KCNIP4: variants seen among roughly 807,000 people sequenced by gnomAD.
KCNIP4 encodes the protein Kv channel-interacting protein 4.
KCNIP4 carries 12 observed loss-of-function variants against 34.0 expected under a neutral mutation model. That is an observed-to-expected ratio of 0.35 (90% CI 0.23 to 0.57). The LOEUF is 0.57. KCNIP4 is among the 20% of genes least tolerant of loss of function. The probability of loss-of-function intolerance (pLI) is 0.83; values close to 1 mark genes in which losing one functional copy is unlikely to be tolerated. For missense variants in KCNIP4, 238 were observed against 311.7 expected (o/e 0.76, Z 1.78); for synonymous variants, 124 against 102.2 (o/e 1.21, Z -1.29).
chr4:20,915,051 TTG>T (rs1728677631), intron 1 of KCNIP4, among the ~76,000 whole-genome samples: 1 of 152,236 alleles, frequency 6.6e-6, no homozygotes, highest in South Asian at 2.1e-4. Flanking sequence ...CTATCATTGC[TTG>T]TGTTCCCTAT....
rs141853396 is a variant in KCNIP4 at position 21,462,171 on chromosome 4, C to G, written c.61+486400G>C. ...CTTCTAAGTAACCGTAACTTTCTCCCCATGAACCATTTTCTACCCATTCCC... is the reference window on the plus strand; with the variant it reads ...CTTCTAAGTAACCGTAACTTTCTCCGCATGAACCATTTTCTACCCATTCCC... On this transcript the variant is annotated intron_variant, in intron 1 of 8. Coordinates refer to ENST00000382152, the MANE Select transcript of KCNIP4 (RefSeq NM_025221.6). Among the ~76,000 whole-genome samples the G allele has an allele frequency of 6.9e-4, 105 of 152,162 alleles. 1 individual carries two copies. In the East Asian group the frequency reaches 0.02, roughly 29 times the overall value.
intron 1 of KCNIP4, among the ~76,000 whole-genome samples, chr4:21,033,511 T>A (rs1039609070): frequency 1.3e-5 from 2 of 152,220 alleles, no homozygotes; most frequent in African/African-American, 4.8e-5. Flanking sequence ...GCATGCATAC[T>A]CTTCGTGTTA....
intron 1 of KCNIP4, among the ~76,000 whole-genome samples, chr4:21,512,517 T>A (rs1391108196): frequency 1.3e-5 from 2 of 152,122 alleles, no homozygotes; most frequent in African/African-American, 4.8e-5. Context: ...AAGAAACTTA[T>A]GTTTTATTTT....
chr4:21,275,473 C>A (rs1291237362), intron 1 of KCNIP4, among the ~76,000 whole-genome samples: 1 of 152,210 alleles, frequency 6.6e-6, no homozygotes, highest in Non-Finnish European at 1.5e-5. Flanking sequence ...TCAAATCATG[C>A]AAGTGTTTAC....
chr4:21,730,472 T>G (rs1715506179), intron 1 of KCNIP4, among the ~76,000 whole-genome samples: 1 of 152,144 alleles, frequency 6.6e-6, no homozygotes, highest in Non-Finnish European at 1.5e-5. Flanking sequence ...AGCGAGCTGC[T>G]TACTGGGCTG....
At chr4:21,515,376 T>C (rs10938842) in intron 1 of KCNIP4, among the ~76,000 whole-genome samples, 49,062 of 152,112 alleles carry the variant, frequency 0.32, 8,266 homozygotes, top group South Asian at 0.46. Flanking sequence ...AGGTGGCTCA[T>C]GCCTGTAATC....
At chr4:21,887,809 G>A (rs947483859) in intron 1 of KCNIP4, among the ~76,000 whole-genome samples, 1 of 152,086 alleles carries the variant, frequency 6.6e-6, no homozygotes, top group Non-Finnish European at 1.5e-5. Flanking sequence ...AACTCATAAA[G>A]AAAATATTGC....
chr4:21,091,247 A>G (rs1444560914), intron 1 of KCNIP4, among the ~76,000 whole-genome samples: 1 of 152,244 alleles, frequency 6.6e-6, no homozygotes. Context: ...TTCTGTATAT[A>G]CAAAGATGAA....
chr4:21,658,084 C>T (rs531354569), intron 1 of KCNIP4, among the ~76,000 whole-genome samples: 7 of 152,188 alleles, frequency 4.6e-5, no homozygotes, highest in Admixed American at 1.3e-4. Context: ...GTGATCCTCC[C>T]GCCTTGGCCT....
At chr4:21,765,606 CT>C (rs1329075247) in intron 1 of KCNIP4, among the ~76,000 whole-genome samples, 1 of 151,664 alleles carries the variant, frequency 6.6e-6, no homozygotes, top group Non-Finnish European at 1.5e-5. Flanking sequence ...AGAAACAGGG[CT>C]CCGTCTTCTT....
chr4:21,692,545 T>C (rs750252564), intron 1 of KCNIP4, among the ~76,000 whole-genome samples: 10 of 152,206 alleles, frequency 6.6e-5, no homozygotes, highest in Non-Finnish European at 1.3e-4. Context: ...TTTTCTTTGC[T>C]TTCTTTTAGC....
chr4:20,940,693 C>CT (rs1365898347), intron 1 of KCNIP4, among the ~76,000 whole-genome samples: 7 of 152,134 alleles, frequency 4.6e-5, no homozygotes, highest in African/African-American at 1.2e-4. Flanking sequence ...CTAATTCAGA[C>CT]TTTCTTTCAA....
chr4:21,596,414 T>C (rs1403404477), intron 1 of KCNIP4, among the ~76,000 whole-genome samples: 1 of 152,086 alleles, frequency 6.6e-6, no homozygotes, highest in Non-Finnish European at 1.5e-5. Context: ...CTGTTAACAC[T>C]GCATTTTTAT....
At chr4:21,334,375 G>A (rs1017183782) in intron 1 of KCNIP4, among the ~76,000 whole-genome samples, 8 of 152,026 alleles carry the variant, frequency 5.3e-5, no homozygotes, top group African/African-American at 1.9e-4. Flanking sequence ...AGGGGCATAA[G>A]TTTATGATAC....
intron 1 of KCNIP4, among the ~76,000 whole-genome samples, chr4:21,102,048 C>A (rs956775483): frequency 2.0e-5 from 3 of 152,136 alleles, no homozygotes; most frequent in African/African-American, 7.2e-5. Context: ...ATTCACCCTG[C>A]AATCCTTTGC....
intron 2 of KCNIP4, among the ~76,000 whole-genome samples, chr4:20,859,806 T>C (rs543271966): frequency 3.3e-5 from 5 of 152,326 alleles, no homozygotes; most frequent in African/African-American, 9.6e-5. Flanking sequence ...CGAACAAATA[T>C]GAGCGTGAGT....
At chr4:21,236,845 TAAAA>T (rs75125946) in intron 1 of KCNIP4, among the ~76,000 whole-genome samples, 2 of 142,088 alleles carry the variant, frequency 1.4e-5, no homozygotes, top group Admixed American at 7.1e-5. Flanking sequence ...CCACCTCTAC[TAAAA>T]AAAAAAAAAA....
At chr4:21,393,276 T>C (rs1330234613) in intron 1 of KCNIP4, among the ~76,000 whole-genome samples, 1 of 152,126 alleles carries the variant, frequency 6.6e-6, no homozygotes, top group East Asian at 1.9e-4. Context: ...GCTTGGGTGT[T>C]GCATTTTTTT....
rs1355548855 is a variant in KCNIP4, at chr4:20,729,057, T to C, written c.*1025A>G. ...CTGGTGCTTTCAAAGTGAATTTTGCTTGCTAATTTTGCTTGCTGTTTGTTC... is the reference window on the plus strand; with the variant it reads ...CTGGTGCTTTCAAAGTGAATTTTGCCTGCTAATTTTGCTTGCTGTTTGTTC... On this transcript the variant is annotated 3_prime_UTR_variant, in exon 9 of 9. Transcript: ENST00000382152. 1.4e-5 allele frequency: 1 copy of C among 69,802 alleles called. No individual in the cohort carries two copies. The allele number at this position is 69,802 out of a possible 1,614,324, so 4.3% of individuals were successfully genotyped here. A position where few individuals can be genotyped will look rare whatever the true frequency, so the allele number is the denominator to read the frequency against.
Sources: gnomAD v4.1 joint callset for allele counts (sites outside exome capture counted in the v4.1 genomes callset) on GRCh38, gnomAD v4.1.1 for gene constraint, MANE v1.5 for transcripts, NCBI Gene and HGNC (gene_info 2026-07-23, HGNC 2026-07-21) for gene names.